PXDNL: variants seen among roughly 807,000 people sequenced by gnomAD.
The protein encoded by PXDNL is probable oxidoreductase PXDNL.
A neutral mutation model predicts 150.8 loss-of-function variants in PXDNL; 145 were observed. The observed-to-expected ratio is 0.96, with a 90% confidence interval of 0.84 to 1.10. The LOEUF is 1.10. PXDNL is among the 50% of genes least tolerant of loss of function. The pLI is 0.00. For synonymous variants in PXDNL, 757 were observed against 725.7 expected (o/e 1.04, Z -0.69); for missense variants, 2,087 against 1,873.9 (o/e 1.11, Z -2.10).
At chr8:51,334,376 C>T (rs946600958) in intron 21 of PXDNL, among the ~76,000 whole-genome samples, 1 of 151,890 alleles carries the variant, frequency 6.6e-6, no homozygotes, top group Admixed American at 6.6e-5. Flanking sequence ...TCTGAAAGAG[C>T]ACAAACAGAC....
intron 3 of PXDNL, among the ~76,000 whole-genome samples, chr8:51,564,531 T>C (rs749814593): frequency 1.4e-4 from 22 of 151,732 alleles, no homozygotes; most frequent in Admixed American, 1.4e-3. Flanking sequence ...ACCTCCACCC[T>C]CAAGTAGGCA....
chr8:51,772,350 G>A (rs576118762), intron 1 of PXDNL, among the ~76,000 whole-genome samples: 43 of 152,104 alleles, frequency 2.8e-4, no homozygotes, highest in Non-Finnish European at 4.0e-4. Context: ...TGGGGAAATC[G>A]TGTGGTGTCA....
At chr8:51,658,083 C>A (rs532815094) in intron 1 of PXDNL, among the ~76,000 whole-genome samples, 1 of 152,224 alleles carries the variant, frequency 6.6e-6, no homozygotes, top group Non-Finnish European at 1.5e-5. Context: ...GTAGCTCATG[C>A]CTGTAATCCC....
At chr8:51,356,468 A>G (rs1806511631) in intron 19 of PXDNL, among the ~76,000 whole-genome samples, 1 of 150,794 alleles carries the variant, frequency 6.6e-6, no homozygotes, top group East Asian at 2.0e-4. Context: ...CAGTGGTGAT[A>G]AGAGTGAAAC....
At chr8:51,576,454 TA>T (rs925559259) in intron 3 of PXDNL, among the ~76,000 whole-genome samples, 5 of 150,086 alleles carry the variant, frequency 3.3e-5, no homozygotes, top group South Asian at 2.1e-4. Flanking sequence ...TGAAAAGAGC[TA>T]AAAAAAAATC....
intron 2 of PXDNL, among the ~76,000 whole-genome samples, chr8:51,642,118 A>G (rs927864079): frequency 6.6e-6 from 1 of 151,664 alleles, no homozygotes; most frequent in African/African-American, 2.4e-5. Context: ...AAAAAACCAA[A>G]CACCGCATAT....
intron 19 of PXDNL, among the ~76,000 whole-genome samples, chr8:51,358,310 T>A (rs1563372342): frequency 6.6e-6 from 1 of 152,156 alleles, no homozygotes; most frequent in African/African-American, 2.4e-5. Flanking sequence ...GTAGTACCAG[T>A]TTTGCTTTTT....
chr8:51,524,736 T>C (rs1448944306), intron 4 of PXDNL, among the ~76,000 whole-genome samples: 1 of 152,176 alleles, frequency 6.6e-6, no homozygotes, highest in Non-Finnish European at 1.5e-5. Flanking sequence ...AAATGCATCT[T>C]TTACTTTTTG....
At chr8:51,420,223 G>A (rs1000891865) in intron 14 of PXDNL, among the ~76,000 whole-genome samples, 8 of 152,140 alleles carry the variant, frequency 5.3e-5, no homozygotes, top group Admixed American at 3.3e-4. Flanking sequence ...CTAAGTGGGG[G>A]CATCAAGATT....
intron 2 of PXDNL, among the ~76,000 whole-genome samples, chr8:51,600,914 C>G (rs1267884528): frequency 7.2e-6 from 1 of 138,914 alleles, no homozygotes; most frequent in African/African-American, 2.6e-5. Context: ...ATAATTACAT[C>G]TTATATAAAT....
At chr8:51,410,380 A>G (rs186724933) in intron 16 of PXDNL, among the ~76,000 whole-genome samples, 1 of 152,248 alleles carries the variant, frequency 6.6e-6, no homozygotes, top group Admixed American at 6.5e-5. Context: ...CACTTTATCC[A>G]TGTTAGCCAG....
intron 4 of PXDNL, among the ~76,000 whole-genome samples, chr8:51,523,877 A>T (rs1309181550): frequency 6.6e-6 from 1 of 152,206 alleles, no homozygotes; most frequent in African/African-American, 2.4e-5. Context: ...AAATCAGAGA[A>T]TTCTCTGATC....
intron 13 of PXDNL, among the ~76,000 whole-genome samples, chr8:51,425,009 C>T (rs1306785247): frequency 6.6e-6 from 1 of 152,188 alleles, no homozygotes; most frequent in Admixed American, 6.5e-5. Flanking sequence ...CAACCAGGTG[C>T]ACAGGTCACA....
intron 1 of PXDNL, among the ~76,000 whole-genome samples, chr8:51,686,558 G>A (rs760207802): frequency 6.6e-6 from 1 of 152,186 alleles, no homozygotes; most frequent in Non-Finnish European, 1.5e-5. Flanking sequence ...CATTGAGCAG[G>A]ATGCCTGGAG....
rs1563513090 is a variant in PXDNL at position 51,705,697 on chromosome 8, G to A, written c.165-50937C>T. ...TAGTACATTTAAAATAAAGGAGTGA[G>A]CGTGTTTATTCTCTCAGTCAATTGA... On this transcript the variant is annotated intron_variant, in intron 1 of 22. Coordinates refer to ENST00000356297, the MANE Select transcript of PXDNL (RefSeq NM_144651.5). Among the ~76,000 whole-genome samples the A allele has an allele frequency of 2.0e-5, 3 of 152,198 alleles. No homozygotes were observed. In the South Asian group the frequency reaches 6.2e-4, roughly 31 times the overall value.
intron 1 of PXDNL, among the ~76,000 whole-genome samples, chr8:51,696,809 A>T (rs1217119897): frequency 3.3e-4 from 14 of 42,246 alleles, no homozygotes; most frequent in Admixed American, 2.6e-3. Flanking sequence ...AGGTCTTCAC[A>T]CACACACACA....
At chr8:51,591,744 G>A (rs1041616283) in intron 3 of PXDNL, among the ~76,000 whole-genome samples, 4 of 151,640 alleles carry the variant, frequency 2.6e-5, no homozygotes, top group Non-Finnish European at 5.9e-5. Flanking sequence ...TCAGCCTCCC[G>A]AGTAGCTGGG....
At chr8:51,745,130 CTTAT>C (rs1288396321) in intron 1 of PXDNL, among the ~76,000 whole-genome samples, 2 of 152,052 alleles carry the variant, frequency 1.3e-5, no homozygotes, top group African/African-American at 4.8e-5. Flanking sequence ...GAGAAACCCA[CTTAT>C]TTGTTATTTT....
intron 3 of PXDNL, among the ~76,000 whole-genome samples, chr8:51,559,558 C>T (rs1812678127): frequency 6.6e-6 from 1 of 152,000 alleles, no homozygotes; most frequent in Admixed American, 6.6e-5. Flanking sequence ...GCATTAGCAA[C>T]TTCAGTTTAC....
Sources: gnomAD v4.1 joint callset for allele counts (sites outside exome capture counted in the v4.1 genomes callset) on GRCh38, gnomAD v4.1.1 for gene constraint, MANE v1.5 for transcripts, NCBI Gene and HGNC (gene_info 2026-07-23, HGNC 2026-07-21) for gene names.